The following YWHAE variants were observed in gnomAD, a reference collection of about 807,000 sequenced individuals.
YWHAE encodes the protein tyrosine 3-monooxygenase/tryptophan 5-monooxygenase activation protein epsilon.
In YWHAE, 4 loss-of-function variants were observed where a neutral mutation model predicts 30.1. That is an observed-to-expected ratio of 0.13 (90% CI 0.07 to 0.30). The LOEUF is 0.30. Among genes scored for constraint, YWHAE ranks in the 10% least tolerant of loss-of-function variants. YWHAE has a pLI of 1.00. For missense variants in YWHAE, 121 were observed against 315.9 expected, an observed-to-expected ratio of 0.38 and a Z score of 4.68; for synonymous variants, 118 against 111.8, an observed-to-expected ratio of 1.06 and a Z score of -0.35.
chr17:1,376,380 GAAAGAA>G (rs2073124334), intron 1 of YWHAE, among the ~76,000 whole-genome samples: 1 of 139,146 alleles, frequency 7.2e-6, no homozygotes, highest in Non-Finnish European at 1.6e-5. Context: ...CAGACAGAAA[GAAAGAA>G]AAAGAAAGAG....
intron 1 of YWHAE, among the ~76,000 whole-genome samples, chr17:1,370,726 T>C (rs745522993): frequency 3.8e-4 from 58 of 152,118 alleles, no homozygotes; most frequent in Middle Eastern, 3.4e-3. Context: ...CTGGGAGCGG[T>C]GGCTCACGCC....
rs577420503 is a variant in YWHAE at position 1,346,731 on chromosome 17, A to C, written c.716-1232T>G. On this transcript the variant is annotated intron_variant, in intron 5 of 5. Transcript: ENST00000264335. ...GCCGGGCACGGTGGCTCACGCCTGT[A>C]ATCCCAGCACTTTGGGAAGCAAAGG... Among the ~76,000 whole-genome samples the C allele has an allele frequency of 2.6e-5, 4 of 152,330 alleles. No homozygotes were observed. The South Asian group carries it at 8.3e-4, about 32-fold the overall frequency.
chr17:1,374,459 T>C (rs1372068274), intron 1 of YWHAE, among the ~76,000 whole-genome samples: 1 of 152,208 alleles, frequency 6.6e-6, no homozygotes, highest in African/African-American at 2.4e-5. Flanking sequence ...AGTATACACC[T>C]AGAAGGAACT....
At chr17:1,378,725 A>AC (rs2073161249) in intron 1 of YWHAE, among the ~76,000 whole-genome samples, 1 of 152,088 alleles carries the variant, frequency 6.6e-6, no homozygotes, top group African/African-American at 2.4e-5. Context: ...CGGGTGGATC[A>AC]CCTGAGGTTA....
intron 1 of YWHAE, among the ~76,000 whole-genome samples, chr17:1,385,750 A>G (rs1452667459): frequency 1.3e-5 from 2 of 152,134 alleles, no homozygotes; most frequent in African/African-American, 2.4e-5. Context: ...TACTCAGCCT[A>G]CATTCCATTC....
chr17:1,390,215 C>A (rs935111483), intron 1 of YWHAE, among the ~76,000 whole-genome samples: 3 of 152,180 alleles, frequency 2.0e-5, no homozygotes, highest in Non-Finnish European at 4.4e-5. Context: ...AGGAGAAAGT[C>A]TCTTATTAAT....
intron 4 of YWHAE, among the ~76,000 whole-genome samples, chr17:1,357,134 T>C (rs1194872792): frequency 6.6e-6 from 1 of 151,658 alleles, no homozygotes; most frequent in African/African-American, 2.4e-5. Flanking sequence ...CCGGGCGCGG[T>C]GGCTCACACC....
chr17:1,364,791 C>T, intron 2 of YWHAE, 68 bp downstream of exon 2: 1 of 1,560,614 alleles, frequency 6.4e-7, no homozygotes. Context: ...CTCTCAAAAT[C>T]TTAAGTGTAC....
intron 1 of YWHAE, among the ~76,000 whole-genome samples, chr17:1,376,323 A>C (rs1189022137): frequency 6.6e-6 from 1 of 152,212 alleles, no homozygotes; most frequent in African/African-American, 2.4e-5. Context: ...CATGAGAGAA[A>C]GAACGAAGAC....
chr17:1,388,113 GGTTGGT>G (rs1567983260), intron 1 of YWHAE, among the ~76,000 whole-genome samples: 20 of 35,136 alleles, frequency 5.7e-4, no homozygotes, highest in African/African-American at 2.4e-3. Flanking sequence ...TTTTTTTTTT[GGTTGGT>G]TTTTTTTTTT....
At chr17:1,375,333 G>C (rs58143069) in intron 1 of YWHAE, among the ~76,000 whole-genome samples, 2 of 152,084 alleles carry the variant, frequency 1.3e-5, no homozygotes, top group African/African-American at 2.4e-5. Flanking sequence ...TCCCTCAGTA[G>C]AGGATGAACT....
chr17:1,384,719 G>T (rs552258558), intron 1 of YWHAE, among the ~76,000 whole-genome samples: 1 of 151,724 alleles, frequency 6.6e-6, no homozygotes, highest in Non-Finnish European at 1.5e-5. Context: ...GAGCCACTGC[G>T]CCCAGCCCAG....
intron 4 of YWHAE, 127 bp downstream of exon 4, chr17:1,360,965 G>C: frequency 2.4e-6 from 2 of 820,926 alleles, no homozygotes. Flanking sequence ...AGTAGTTTCA[G>C]TAAGAGCCAA....
rs112201887 is a variant in YWHAE at position 1,370,694 on chromosome 17, G to C, written c.65-5636C>G. On this transcript the variant is annotated intron_variant, in intron 1 of 5. Transcript: ENST00000264335. ...GATCTGCCTACCTGCTGTGTTAACA[G>C]GCATAAAAACAACATTGCAGGCTGG... 2.3e-4 allele frequency among the ~76,000 whole-genome samples: 35 copies of C among 152,182 alleles called. 1 individual carries two copies. The highest frequency in any genetic ancestry group is 8.4e-4 in the African/African-American group (35 of 41,560).
At chr17:1,388,683 T>C (rs6502431) in intron 1 of YWHAE, among the ~76,000 whole-genome samples, 72,872 of 151,028 alleles carry the variant, frequency 0.48, 18,967 homozygotes, top group African/African-American at 0.67. Context: ...AGCAATGAGA[T>C]TACAGGTATG....
intron 1 of YWHAE, among the ~76,000 whole-genome samples, chr17:1,379,092 C>G (rs1426161894): frequency 3.3e-5 from 5 of 152,174 alleles, no homozygotes; most frequent in African/African-American, 1.2e-4. Flanking sequence ...ATTAATTCAG[C>G]TGCTTGAAGC....
chr17:1,373,905 A>G (rs987273070), intron 1 of YWHAE, among the ~76,000 whole-genome samples: 1 of 152,076 alleles, frequency 6.6e-6, no homozygotes, highest in Non-Finnish European at 1.5e-5. Context: ...TCCCAACACA[A>G]CCTACCGTAT....
Position 1,355,116 on chromosome 17 carries a change from TAA to T in YWHAE, c.579-771_579-770del, listed in dbSNP as rs869230957. Among the ~76,000 whole-genome samples, 102 of 17,150 alleles carry T rather than the reference TAA, an allele frequency of 5.9e-3. 1 individual carries two copies. Among genetic ancestry groups the T allele is most frequent in the Middle Eastern group, 0.045 (1 of 22 alleles). 11.3% of individuals were successfully genotyped at this position (17,150 alleles called of 152,430 possible). A position where few individuals can be genotyped will look rare whatever the true frequency, so the allele number is the denominator to read the frequency against. On this transcript the variant is annotated intron_variant, in intron 4 of 5. Coordinates refer to ENST00000264335, the MANE Select transcript of YWHAE (RefSeq NM_006761.5). ...ACACACTACCACCCCCAAGATTTTT[TAA>T]AAAAAAAAAAAAAAAAAAAAAAAAA... is the stretch of plus-strand genomic sequence containing the variant.
chr17:1,383,691 G>A (rs1478306204), intron 1 of YWHAE, among the ~76,000 whole-genome samples: 1 of 151,914 alleles, frequency 6.6e-6, no homozygotes, highest in Non-Finnish European at 1.5e-5. Flanking sequence ...CCCGGCCCTT[G>A]TTTAAACAAT....
Sources: allele counts gnomAD v4.1 joint callset (sites outside exome capture counted in the v4.1 genomes callset), GRCh38; gene constraint gnomAD v4.1.1; transcripts MANE v1.5; gene names NCBI Gene and HGNC (gene_info 2026-07-23, HGNC 2026-07-21).